UNC5D: variants seen among roughly 807,000 people sequenced by gnomAD.
UNC5D encodes netrin receptor UNC5D.
Under a neutral mutation model 105.4 loss-of-function variants are expected in UNC5D, and 39 were observed. The observed-to-expected ratio is 0.37, with a 90% CI of 0.29 to 0.48. The LOEUF is 0.48. UNC5D is among the 20% of genes least tolerant of loss of function. The pLI is 0.98. For synonymous variants in UNC5D, 452 were observed against 450.4 expected, an observed-to-expected ratio of 1.00 and a Z score of -0.04; for missense variants, 991 against 1,202.4, an observed-to-expected ratio of 0.82 and a Z score of 2.60.
intron 1 of UNC5D, among the ~76,000 whole-genome samples, chr8:35,361,305 G>T (rs1444094457): frequency 6.6e-6 from 1 of 152,080 alleles, no homozygotes; most frequent in East Asian, 1.9e-4. Flanking sequence ...TAGAAAAAAA[G>T]GATGGACTGT....
intron 1 of UNC5D, among the ~76,000 whole-genome samples, chr8:35,396,393 G>A (rs889491324): frequency 1.3e-5 from 2 of 152,148 alleles, no homozygotes; most frequent in Admixed American, 6.5e-5. Context: ...GAGTCACACC[G>A]GGCGCACCTC....
At chr8:35,594,361 A>G (rs1475773238) in intron 3 of UNC5D, among the ~76,000 whole-genome samples, 2 of 152,224 alleles carry the variant, frequency 1.3e-5, no homozygotes, top group Non-Finnish European at 2.9e-5. Context: ...TATACAATTT[A>G]TAAAGATGTA....
intron 1 of UNC5D, among the ~76,000 whole-genome samples, chr8:35,456,027 T>C (rs1437383055): frequency 6.6e-6 from 1 of 152,108 alleles, no homozygotes; most frequent in Admixed American, 6.6e-5. Flanking sequence ...AACAAACAGA[T>C]GTATAGGGAT....
At chr8:35,728,808 C>A (rs963879250) in intron 10 of UNC5D, among the ~76,000 whole-genome samples, 1 of 152,176 alleles carries the variant, frequency 6.6e-6, no homozygotes, top group African/African-American at 2.4e-5. Context: ...ACTGGTGCTT[C>A]TGTGGTCATA....
At chr8:35,341,122 C>G (rs1234577362) in intron 1 of UNC5D, among the ~76,000 whole-genome samples, 1 of 152,090 alleles carries the variant, frequency 6.6e-6, no homozygotes, top group African/African-American at 2.4e-5. Context: ...AGATATCATT[C>G]AATTTTGGTG....
intron 1 of UNC5D, among the ~76,000 whole-genome samples, chr8:35,443,851 T>C (rs1807595523): frequency 6.6e-6 from 1 of 151,988 alleles, no homozygotes; most frequent in Admixed American, 6.6e-5. Flanking sequence ...TAGCTGATCA[T>C]CTTTTTTAAT....
rs76973615 is a variant in UNC5D at position 35,379,918 on chromosome 8, C to T, written c.103+144031C>T. 2.5e-3 allele frequency among the ~76,000 whole-genome samples: 380 copies of T among 151,928 alleles called. 13 individuals are homozygous for T. In the East Asian group the frequency reaches 0.066, roughly 27 times the overall value. On this transcript the variant is annotated intron_variant, in intron 1 of 16. Transcript: ENST00000404895. ...CATTTTTATATATCGTCTTAGGCAG[C>T]TCCTGCTTCCATAATGAAGTACTGT... is the stretch of plus-strand genomic sequence containing the variant.
At position 35,790,603 on chromosome 8, in the gene UNC5D, G is replaced by A. The variant is rs2131817395; in HGVS notation, c.*40G>A. ...TGAGACAGAGTGATGGCCAGCTTGG[G>A]GACATTTGCTTTAAATGGGAAAGAG... On this transcript the variant is annotated 3_prime_UTR_variant, in exon 17 of 17. Transcript: ENST00000404895. 1 of 1,609,388 alleles carries A rather than the reference G, an allele frequency of 6.2e-7. No homozygotes were observed. The highest frequency in any genetic ancestry group is 1.3e-5 in the African/African-American group (1 of 74,954).
chr8:35,276,498 C>T (rs987068599), intron 1 of UNC5D, among the ~76,000 whole-genome samples: 1 of 152,202 alleles, frequency 6.6e-6, no homozygotes, highest in Non-Finnish European at 1.5e-5. Context: ...TTCAAGTCAT[C>T]AGCATGGCTG....
chr8:35,612,099 G>T (rs991999845), intron 4 of UNC5D, among the ~76,000 whole-genome samples: 7 of 152,216 alleles, frequency 4.6e-5, no homozygotes, highest in African/African-American at 1.7e-4. Flanking sequence ...AAATAATTCA[G>T]TGTCTTTGAG....
At chr8:35,671,112 T>G (rs939591312) in intron 4 of UNC5D, among the ~76,000 whole-genome samples, 21 of 152,206 alleles carry the variant, frequency 1.4e-4, no homozygotes, top group Admixed American at 1.3e-3. Context: ...CTCCACTAAG[T>G]CGGCCATCCT....
chr8:35,381,968 C>G (rs1053812748), intron 1 of UNC5D, among the ~76,000 whole-genome samples: 4 of 152,234 alleles, frequency 2.6e-5, no homozygotes, highest in Non-Finnish European at 5.9e-5. Flanking sequence ...TACAGAAACA[C>G]TGCCAGGAGA....
At chr8:35,445,830 A>G (rs1248567916) in intron 1 of UNC5D, among the ~76,000 whole-genome samples, 3 of 152,090 alleles carry the variant, frequency 2.0e-5, no homozygotes, top group African/African-American at 7.2e-5. Flanking sequence ...AGTGATTAAT[A>G]CATCTGTAGT....
chr8:35,303,335 T>G (rs1296905013), intron 1 of UNC5D, among the ~76,000 whole-genome samples: 1 of 152,164 alleles, frequency 6.6e-6, no homozygotes, highest in Non-Finnish European at 1.5e-5. Flanking sequence ...AATTTTAATT[T>G]TATTTAATTG....
intron 1 of UNC5D, among the ~76,000 whole-genome samples, chr8:35,253,473 C>CTT (rs58063448): frequency 4.5e-4 from 45 of 99,828 alleles, no homozygotes; most frequent in East Asian, 1.6e-3. Flanking sequence ...ATTTTATTTC[C>CTT]TTTTTTTTTT....
At chr8:35,635,541 T>C (rs917984147) in intron 4 of UNC5D, among the ~76,000 whole-genome samples, 2 of 152,112 alleles carry the variant, frequency 1.3e-5, no homozygotes, top group Admixed American at 6.5e-5. Context: ...TTGGAAAACA[T>C]GATAATGCTC....
At position 35,595,684 on chromosome 8, in the gene UNC5D, C is replaced by G. The variant is rs766368009; in HGVS notation, c.570+27C>G. The stretch of plus-strand genomic sequence containing the variant: ...TAAGACAGGATCCTGGGACCAGTCA[C>G]CGGGAGGAACCAGGCCTGTTCCCAA... On this transcript the variant is annotated intron_variant, in intron 4 of 16. Transcript: ENST00000404895. 1.0e-5 allele frequency: 16 copies of G among 1,603,254 alleles called. No homozygotes were observed. The East Asian group carries it at 3.3e-4, about 34-fold the overall frequency.
intron 8 of UNC5D, among the ~76,000 whole-genome samples, chr8:35,716,489 G>A (rs1046778824): frequency 6.6e-6 from 1 of 152,086 alleles, no homozygotes; most frequent in Non-Finnish European, 1.5e-5. Flanking sequence ...AGTCCCAGTT[G>A]GACTACTTAC....
chr8:35,414,732 T>C (rs1431489719), intron 1 of UNC5D, among the ~76,000 whole-genome samples: 1 of 152,136 alleles, frequency 6.6e-6, no homozygotes, highest in Non-Finnish European at 1.5e-5. Flanking sequence ...GGTTTTAGAA[T>C]TTACCTTTGA....
Sources: allele counts gnomAD v4.1 joint callset (sites outside exome capture counted in the v4.1 genomes callset), GRCh38; gene constraint gnomAD v4.1.1; transcripts MANE v1.5; gene names NCBI Gene and HGNC (gene_info 2026-07-23, HGNC 2026-07-21).